NFATC1: variants seen among roughly 807,000 people sequenced by gnomAD.
The protein encoded by NFATC1 is nuclear factor of activated T-cells, cytoplasmic 1.
A neutral mutation model predicts 76.0 loss-of-function variants in NFATC1; 22 were observed. The observed-to-expected ratio is 0.29, with a 90% CI of 0.21 to 0.41. NFATC1 has a LOEUF of 0.41. Ranked by LOEUF, NFATC1 falls within the 10% of genes least tolerant of loss-of-function variation. The pLI is 1.00. For synonymous variants in NFATC1, 704 were observed against 613.1 expected (o/e 1.15, Z -2.19); for missense variants, 1,357 against 1,337.7 (o/e 1.01, Z -0.23).
chr18:79,401,496 G>A (rs1401152776), intron 1 of NFATC1, among the ~76,000 whole-genome samples: 2 of 152,214 alleles, frequency 1.3e-5, no homozygotes, highest in Non-Finnish European at 2.9e-5. Flanking sequence ...GTCAGTGGGA[G>A]CCAAGGCAGA....
intron 1 of NFATC1, among the ~76,000 whole-genome samples, chr18:79,403,259 CTTG>C (rs1336663840): frequency 2.0e-5 from 3 of 152,250 alleles, no homozygotes; most frequent in Admixed American, 6.5e-5. Flanking sequence ...GGGGCTGTGT[CTTG>C]TTCTTTATTT....
chr18:79,482,642 G>A (rs1472673427), intron 8 of NFATC1, among the ~76,000 whole-genome samples: 14 of 135,856 alleles, frequency 1.0e-4, no homozygotes, highest in African/African-American at 3.1e-4. Context: ...GCGTGACCTC[G>A]TTCCTGGGGT....
At chr18:79,480,162 G>A (rs535232677) in intron 8 of NFATC1, among the ~76,000 whole-genome samples, 4 of 152,154 alleles carry the variant, frequency 2.6e-5, no homozygotes, top group Non-Finnish European at 4.4e-5. Flanking sequence ...GGGCACGTGC[G>A]GTGATCCCAG....
chr18:79,490,257 C>T (rs2089638051), intron 9 of NFATC1, among the ~76,000 whole-genome samples: 1 of 151,914 alleles, frequency 6.6e-6, no homozygotes, highest in African/African-American at 2.4e-5. Flanking sequence ...GCAGGCCCGG[C>T]TCTGGGTTAG....
chr18:79,450,924 A>G (rs757269528), intron 4 of NFATC1, 30 bp from the exon 5 acceptor site: 25 of 1,599,876 alleles, frequency 1.6e-5, no homozygotes, highest in Non-Finnish European at 2.0e-5. Context: ...AGCCATTGAA[A>G]GAAAAGCTGT....
At chr18:79,408,449 A>C (rs2085516922) in intron 1 of NFATC1, among the ~76,000 whole-genome samples, 1 of 152,224 alleles carries the variant, frequency 6.6e-6, no homozygotes, top group Admixed American at 6.5e-5. Flanking sequence ...TTCCCTAATA[A>C]TGATTTTAAA....
At chr18:79,460,757 G>A (rs975090863) in intron 6 of NFATC1, among the ~76,000 whole-genome samples, 8 of 152,264 alleles carry the variant, frequency 5.3e-5, no homozygotes, top group South Asian at 2.1e-4. Context: ...ACGAGCAGGC[G>A]TCGCACCCTG....
chr18:79,466,703 G>A lies in NFATC1; in HGVS notation c.1960-747G>A, dbSNP rs573426520. ...GCTGTTCCCACCCCGGGGTCTGCGG[G>A]GGTCAGGGCCTGCCTCCTCTTCCTC... On this transcript the variant is annotated intron_variant, in intron 7 of 9. Transcript: ENST00000427363. Among the ~76,000 whole-genome samples the A allele has an allele frequency of 7.9e-5, 12 of 152,320 alleles. 1 individual carries two copies. In the South Asian group the frequency reaches 2.5e-3, roughly 32 times the overall value.
At chr18:79,441,722 C>T (rs949037856) in intron 3 of NFATC1, among the ~76,000 whole-genome samples, 3 of 152,074 alleles carry the variant, frequency 2.0e-5, no homozygotes, top group African/African-American at 4.8e-5. Context: ...AGAAGGTTGC[C>T]GTTTCTCCCT....
At chr18:79,521,111 GT>G in intron 9 of NFATC1, among the ~76,000 whole-genome samples, 1 of 108,654 alleles carries the variant, frequency 9.2e-6, no homozygotes, top group Non-Finnish European at 1.9e-5. Flanking sequence ...CTGTGTGTGT[GT>G]GGGGGGCGTC....
chr18:79,406,176 T>TA (rs914139656), intron 1 of NFATC1, among the ~76,000 whole-genome samples: 3 of 152,258 alleles, frequency 2.0e-5, no homozygotes, highest in Non-Finnish European at 4.4e-5. Flanking sequence ...GCTAGGGTTT[T>TA]AAAAAATTCT....
chr18:79,520,964 T>G (rs1333567867), intron 9 of NFATC1, among the ~76,000 whole-genome samples: 5 of 78,090 alleles, frequency 6.4e-5, no homozygotes, highest in Admixed American at 1.9e-4. Context: ...TGTCTGTGTG[T>G]GGGGGGGCAT....
At chr18:79,409,951 T>G in intron 1 of NFATC1, 1 of 499,432 alleles carries the variant, frequency 2.0e-6, no homozygotes, top group Non-Finnish European at 4.0e-6. Context: ...ACGTGTTGAG[T>G]TTGGGGTTTA....
At chr18:79,522,706 G>A (rs2090645845) in intron 9 of NFATC1, among the ~76,000 whole-genome samples, 1 of 152,156 alleles carries the variant, frequency 6.6e-6, no homozygotes, top group Admixed American at 6.5e-5. Flanking sequence ...ACCAGAGAGG[G>A]AAGGGACGGG....
chr18:79,464,598 C>T lies in NFATC1; in HGVS notation c.1960-2852C>T, dbSNP rs77706624. On this transcript the variant is annotated intron_variant, in intron 7 of 9. Coordinates refer to ENST00000427363, the MANE Select transcript of NFATC1 (RefSeq NM_001278669.2). Reference sequence around the variant, plus strand: ...ATTTGCTGCTGTGTGTGGATGTTCACGCAGACACACACACACACACAGAGT... The same window carrying T: ...ATTTGCTGCTGTGTGTGGATGTTCATGCAGACACACACACACACACAGAGT... Among the ~76,000 whole-genome samples, 128 of 135,852 alleles carry T rather than the reference C, an allele frequency of 9.4e-4. 1 individual carries two copies. The East Asian group carries it at 0.021, about 22-fold the overall frequency. 89.1% of individuals were successfully genotyped at this position (135,852 alleles called of 152,430 possible).
chr18:79,430,226 C>G (rs1443121498), intron 2 of NFATC1, among the ~76,000 whole-genome samples: 1 of 152,216 alleles, frequency 6.6e-6, no homozygotes, highest in South Asian at 2.1e-4. Flanking sequence ...ACTGCCTTAT[C>G]TTTAGGAAAT....
At chr18:79,411,761 G>A (rs1218826464) in intron 2 of NFATC1, among the ~76,000 whole-genome samples, 1 of 152,290 alleles carries the variant, frequency 6.6e-6, no homozygotes, top group East Asian at 1.9e-4. Context: ...AGATCCTCTC[G>A]GGCCCTGCTG....
chr18:79,402,944 T>C (rs184939459), intron 1 of NFATC1, among the ~76,000 whole-genome samples: 70 of 152,368 alleles, frequency 4.6e-4, no homozygotes, highest in Admixed American at 3.3e-3. Flanking sequence ...CTGAGATCAA[T>C]TGCAAAGCAA....
At chr18:79,451,923 G>T in intron 6 of NFATC1, 107 bp downstream of exon 6, 1 of 1,389,364 alleles carries the variant, frequency 7.2e-7, no homozygotes. Context: ...CCGGGACGGG[G>T]CTTATGGGGT....
Sources: allele counts gnomAD v4.1 joint callset (sites outside exome capture counted in the v4.1 genomes callset), GRCh38; gene constraint gnomAD v4.1.1; transcripts MANE v1.5; gene names NCBI Gene and HGNC (gene_info 2026-07-23, HGNC 2026-07-21).